Variants in FRK observed in about 807,000 individuals in gnomAD.
FRK encodes the protein tyrosine-protein kinase FRK.
A neutral mutation model predicts 56.4 loss-of-function variants in FRK; 51 were observed. That is an observed-to-expected ratio of 0.90 (90% CI 0.72 to 1.14). The LOEUF (loss-of-function observed/expected upper bound fraction) is 1.14. Among genes scored for constraint, FRK ranks in the 50% most tolerant of loss-of-function variants. The probability of loss-of-function intolerance (pLI) is 0.00; values close to 1 mark genes in which losing one functional copy is unlikely to be tolerated. For synonymous variants in FRK, 245 were observed against 217.9 expected (o/e 1.12, Z -1.10); for missense variants, 570 against 601.4 (o/e 0.95, Z 0.55).
intron 1 of FRK, among the ~76,000 whole-genome samples, chr6:116,011,700 A>G (rs1176226737): frequency 6.6e-6 from 1 of 152,116 alleles, no homozygotes; most frequent in African/African-American, 2.4e-5. Flanking sequence ...TTGGCAAAAC[A>G]CCTTCAATTT....
the FRK span, among the ~76,000 whole-genome samples, chr6:116,087,394 A>G: frequency 6.6e-6 from 1 of 152,262 alleles, no homozygotes; most frequent in Non-Finnish European, 1.5e-5. Context: ...TTATGCTACA[A>G]TATTGATCAG....
At chr6:116,057,049 T>A (rs1777426209) in intron 1 of FRK, among the ~76,000 whole-genome samples, 1 of 152,116 alleles carries the variant, frequency 6.6e-6, no homozygotes, top group Non-Finnish European at 1.5e-5. Flanking sequence ...CACCAATAAC[T>A]CCAGAAGTAT....
At chr6:115,969,384 G>A (rs1398701896) in intron 2 of FRK, among the ~76,000 whole-genome samples, 1 of 151,960 alleles carries the variant, frequency 6.6e-6, no homozygotes, top group African/African-American at 2.4e-5. Flanking sequence ...TTCATCCAAG[G>A]GTAAGTCCTG....
the FRK span, among the ~76,000 whole-genome samples, chr6:116,096,210 A>G: frequency 1.3e-5 from 2 of 152,208 alleles, no homozygotes; most frequent in East Asian, 3.9e-4. Flanking sequence ...AGAGGACAGT[A>G]CAACTGTAGG....
chr6:116,061,433 C>CAT (rs3840532), upstream of FRK, among the ~76,000 whole-genome samples: 39 of 151,484 alleles, frequency 2.6e-4, no homozygotes, highest in African/African-American at 8.5e-4. Context: ...CACACACACA[C>CAT]GCTACACACC....
chr6:115,943,888 A>C (rs543317855), intron 6 of FRK, among the ~76,000 whole-genome samples: 15 of 152,350 alleles, frequency 9.8e-5, no homozygotes, highest in African/African-American at 3.6e-4. Context: ...TTAATCTGGC[A>C]TACAGTGAGT....
chr6:115,949,693 T>C (rs1673308251), intron 5 of FRK, among the ~76,000 whole-genome samples: 1 of 152,156 alleles, frequency 6.6e-6, no homozygotes, highest in African/African-American at 2.4e-5. Flanking sequence ...TTAAATTTCA[T>C]ATGGAACCAA....
At chr6:116,052,256 G>C (rs966380809) in intron 1 of FRK, among the ~76,000 whole-genome samples, 4 of 152,110 alleles carry the variant, frequency 2.6e-5, no homozygotes, top group African/African-American at 9.7e-5. Flanking sequence ...ATGACTGTGA[G>C]TCTAACCAAA....
At chr6:116,044,472 A>G (rs1026262538) in intron 1 of FRK, among the ~76,000 whole-genome samples, 2 of 152,212 alleles carry the variant, frequency 1.3e-5, no homozygotes, top group African/African-American at 4.8e-5. Context: ...AACAGAACCA[A>G]TGACAAAAAC....
chr6:116,098,135 AG>A, the FRK span, among the ~76,000 whole-genome samples: 1 of 116,394 alleles, frequency 8.6e-6, no homozygotes, highest in South Asian at 3.0e-4. Context: ...TTTAAAAGAC[AG>A]GGTCTCTCTC....
At chr6:116,083,146 G>GATAAA in the FRK span, among the ~76,000 whole-genome samples, 36 of 152,258 alleles carry the variant, frequency 2.4e-4, no homozygotes, top group Admixed American at 2.3e-3. Flanking sequence ...GACGGTCATG[G>GATAAA]ATAAAATAAA....
intron 2 of FRK, among the ~76,000 whole-genome samples, chr6:115,972,357 G>A (rs1038381608): frequency 2.6e-5 from 4 of 152,320 alleles, no homozygotes; most frequent in Non-Finnish European, 4.4e-5. Context: ...TCCACAGGAT[G>A]CTTTCACCTT....
intron 2 of FRK, among the ~76,000 whole-genome samples, chr6:115,979,966 G>GTC (rs1388587173): frequency 6.6e-6 from 1 of 152,052 alleles, no homozygotes; most frequent in African/African-American, 2.4e-5. Flanking sequence ...TGGTTGTTAA[G>GTC]TCATGCATGA....
chr6:115,938,259 G>A lies in FRK; in HGVS notation c.*4155C>T, dbSNP rs899976209. On this transcript the variant is annotated 3_prime_UTR_variant, in exon 8 of 8. Transcript: ENST00000606080. Reference sequence around the variant, plus strand: ...ATAATAAAATTAAGGTAGAAATAAAGTTGTTCATTGAAACCAATGAGAACA... The same window carrying A: ...ATAATAAAATTAAGGTAGAAATAAAATTGTTCATTGAAACCAATGAGAACA... 1 of 152,162 alleles carries A rather than the reference G, an allele frequency of 6.6e-6. No individual in the cohort carries two copies. The highest frequency in any genetic ancestry group is 1.5e-5 in the Non-Finnish European group (1 of 68,022). 9.4% of individuals were successfully genotyped at this position (152,162 alleles called of 1,614,324 possible). A position where few individuals can be genotyped will look rare whatever the true frequency, so the allele number is the denominator to read the frequency against.
intron 1 of FRK, among the ~76,000 whole-genome samples, chr6:116,041,420 T>C (rs1343213111): frequency 6.6e-6 from 1 of 152,194 alleles, no homozygotes. Context: ...TTCTTGTGTA[T>C]AAAAGATTCC....
At chr6:116,083,377 T>C in the FRK span, among the ~76,000 whole-genome samples, 3 of 137,808 alleles carry the variant, frequency 2.2e-5, no homozygotes, top group Admixed American at 2.1e-4. Flanking sequence ...AAAAGCTTTG[T>C]TTTGTTTTAA....
At chr6:115,978,562 A>C (rs1427026544) in intron 2 of FRK, among the ~76,000 whole-genome samples, 2 of 152,146 alleles carry the variant, frequency 1.3e-5, no homozygotes, top group African/African-American at 2.4e-5. Flanking sequence ...AGAAAATATT[A>C]ATAAACTATT....
At position 115,933,867 on chromosome 6, in the gene FRK, T is replaced by C. The variant is rs1435879762; in HGVS notation, c.*8547A>G. The C allele has an allele frequency of 6.6e-6, 1 of 152,160 alleles. No individual in the cohort carries two copies. Among genetic ancestry groups the C allele is most frequent in the Admixed American group, 6.5e-5 (1 of 15,274 alleles). 9.4% of individuals were successfully genotyped at this position (152,160 alleles called of 1,614,324 possible). A position where few individuals can be genotyped will look rare whatever the true frequency, so the allele number is the denominator to read the frequency against. On this transcript the variant is annotated 3_prime_UTR_variant, in exon 8 of 8. Transcript: ENST00000606080. ...TACACAGTCAACTAATTTGAAAGAT[T>C]AGTGTTGATCTTATCTTAGAAATAC...
chr6:116,023,201 A>AT (rs1775946488), intron 1 of FRK, among the ~76,000 whole-genome samples: 1 of 152,238 alleles, frequency 6.6e-6, no homozygotes, highest in Non-Finnish European at 1.5e-5. Context: ...AAGTCAAAAT[A>AT]GTACAAGGCC....
Sources: gnomAD v4.1 joint callset for allele counts (sites outside exome capture counted in the v4.1 genomes callset) on GRCh38, gnomAD v4.1.1 for gene constraint, MANE v1.5 for transcripts, NCBI Gene and HGNC (gene_info 2026-07-23, HGNC 2026-07-21) for gene names.